Variants in SPTAN1 observed in about 807,000 individuals in gnomAD.
The protein encoded by SPTAN1 is spectrin alpha chain, non-erythrocytic 1.
In SPTAN1, 61 loss-of-function variants were observed where a neutral mutation model predicts 331.3. That is an observed-to-expected ratio of 0.18 (90% CI 0.15 to 0.23). The LOEUF (loss-of-function observed/expected upper bound fraction) is 0.23. SPTAN1 is among the 10% of genes least tolerant of loss of function. SPTAN1 has a pLI of 1.00. For missense variants in SPTAN1, 2,043 were observed against 3,147.9 expected (o/e 0.65, Z 8.40); for synonymous variants, 1,153 against 1,173.9 (o/e 0.98, Z 0.36).
intron 1 of SPTAN1, among the ~76,000 whole-genome samples, chr9:128,562,968 AAAAATATATATATACATGTATGTGT>A (rs1216100965): frequency 5.9e-5 from 7 of 119,130 alleles, no homozygotes; most frequent in Non-Finnish European, 1.2e-4. Context: ...CCGTCTAAAA[AAAAATATATATATACATGTATGTGT>A]ATATATATAT....
At chr9:128,570,320 ATATATATATATTTTTTT>A (rs1421083823) in intron 3 of SPTAN1, among the ~76,000 whole-genome samples, 4 of 33,978 alleles carry the variant, frequency 1.2e-4, no homozygotes, top group Admixed American at 3.9e-4. Flanking sequence ...ATATATATAT[ATATATATATATTTTTTT>A]TTTTTTTTTT....
At chr9:128,570,236 G>A (rs1344850007) in intron 3 of SPTAN1, among the ~76,000 whole-genome samples, 3 of 150,760 alleles carry the variant, frequency 2.0e-5, no homozygotes, top group Admixed American at 6.6e-5. Context: ...TAATTAAGGC[G>A]GAAGGGAGGA....
At chr9:128,593,389 A>C (rs1774713438) in intron 23 of SPTAN1, 1 of 335,252 alleles carries the variant, frequency 3.0e-6, no homozygotes, top group African/African-American at 2.1e-5. Context: ...TGCTTCTCTT[A>C]AAGTGCTCTG....
intron 23 of SPTAN1, chr9:128,593,780 A>G (rs1336022314): frequency 1.2e-5 from 3 of 259,318 alleles, no homozygotes; most frequent in Admixed American, 4.6e-5. Flanking sequence ...AGAGAATTAT[A>G]AAAGACAGAA....
rs893043703 is a variant in SPTAN1, at chr9:128,575,402, T to C, written c.651+57T>C. 3.1e-6 allele frequency: 5 copies of C among 1,587,918 alleles called. No individual in the cohort carries two copies. In the African/African-American group the frequency reaches 6.7e-5, roughly 21 times the overall value. ...ACATTATTATGTTAACTTTTTAGTA[T>C]ATTCAGGATAAAATTTTGATGATTG... On this transcript the variant is annotated intron_variant, in intron 5 of 56. Transcript: ENST00000372739.
At chr9:128,555,426 G>T (rs1390847531) in intron 1 of SPTAN1, 1 of 1,289,036 alleles carries the variant, frequency 7.8e-7, no homozygotes, top group Non-Finnish European at 1.0e-6. Context: ...CAGAAAACGG[G>T]TTGCCTTTTT....
intron 5 of SPTAN1, among the ~76,000 whole-genome samples, chr9:128,575,685 G>C (rs372196146): frequency 6.6e-6 from 1 of 152,116 alleles, no homozygotes; most frequent in East Asian, 1.9e-4. Flanking sequence ...AGTTAGTATT[G>C]GCAGATGTCC....
chr9:128,630,534 CTCTT>C (rs950985525), intron 52 of SPTAN1, 159 bp downstream of exon 52: 13 of 667,596 alleles, frequency 1.9e-5, no homozygotes, highest in East Asian at 2.8e-5. Flanking sequence ...CTATCTCTCT[CTCTT>C]TTCTTTCTTT....
chr9:128,583,292 T>C lies in SPTAN1; in HGVS notation c.2011+11T>C, dbSNP rs760039527. 29 of 1,612,788 alleles carry C rather than the reference T, an allele frequency of 1.8e-5. No individual in the cohort carries two copies. Among genetic ancestry groups the C allele is most frequent in the Non-Finnish European group, 2.5e-5 (29 of 1,179,618 alleles). On this transcript the variant is annotated intron_variant, in intron 15 of 56. Coordinates refer to ENST00000372739, the MANE Select transcript of SPTAN1 (RefSeq NM_001130438.3). Reference sequence around the variant, plus strand: ...CCACTGAACTGAAAGGTAAGAGATGTTCCATTGAATTGTGACATGCATGTT... The same window carrying C: ...CCACTGAACTGAAAGGTAAGAGATGCTCCATTGAATTGTGACATGCATGTT...
In SPTAN1 at chr9:128,566,951, A is replaced by C; in HGVS notation, c.211A>C (p.Asn71His). The C allele has an allele frequency of 6.2e-7, 1 of 1,614,190 alleles. No individual in the cohort carries two copies. The highest frequency in any genetic ancestry group is 8.5e-7 in the Non-Finnish European group (1 of 1,180,030). ...AAAACTTCAGATTGCATCTGATGAG[A>C]ATTATAAAGACCCAACCAACTTGCA... is the stretch of plus-strand genomic sequence containing the variant. ...QEKLQIASDE[N>H]YKDPTNLQGK... is the part of the protein sequence containing the mutation. The change falls in exon 2 of 57, where the codon AAT becomes CAT. Residue 71 changes from asparagine to histidine, a missense_variant. Transcript: ENST00000372739.
chr9:128,605,137 C>T lies in SPTAN1; in HGVS notation c.3823C>T (p.His1275Tyr). The change falls in exon 30 of 57, where the codon CAT (histidine) becomes TAT (tyrosine). Residue 1275 changes from histidine (H) to tyrosine (Y), a missense_variant. Around this residue, in one of 12 missense-constraint regions of SPTAN1, gnomAD observed 42 missense variants for 106.0 expected, o/e 0.40. Transcript: ENST00000372739. Reference protein sequence around the residue: ...LASVQALQRKHEGFERDLAAL... With the variant: ...LASVQALQRKYEGFERDLAAL... ...CAGTGTCCAGGCCCTGCAACGCAAG[C>T]ATGAGGGCTTCGAGAGGGACCTTGC... 2 of 1,613,760 alleles carry T rather than the reference C, an allele frequency of 1.2e-6. No homozygotes were observed. The highest frequency in any genetic ancestry group is 1.7e-6 in the Non-Finnish European group (2 of 1,179,968).
Position 128,627,745 on chromosome 9 carries a change from AGGGCGCGT to A in SPTAN1, c.6690-177_6690-170del. The A allele has an allele frequency of 1.2e-6, 1 of 850,096 alleles. No homozygotes were observed. Among genetic ancestry groups the A allele is most frequent in the East Asian group, 2.4e-5 (1 of 41,496 alleles). 52.7% of individuals were successfully genotyped at this position (850,096 alleles called of 1,614,324 possible). On this transcript the variant is annotated intron_variant, in intron 50 of 56. Coordinates refer to ENST00000372739, the MANE Select transcript of SPTAN1 (RefSeq NM_001130438.3). The surrounding 1 kb of genome is among the most constrained non-coding windows in gnomAD (Gnocchi z 4.9). ...GATCCCGGATTGAGTGGGACCATGC[AGGGCGCGT>A]GGTCAGCCCCAGCCATGACTTGGTG...
rs1163468742 is a variant in SPTAN1 at position 128,608,938 on chromosome 9, A to G, written c.4556A>G (p.Lys1519Arg). The G allele has an allele frequency of 6.2e-7, 1 of 1,614,128 alleles. No homozygotes were observed. Among genetic ancestry groups the G allele is most frequent in the African/African-American group, 1.3e-5 (1 of 74,944 alleles). The change falls in exon 35 of 57, where the codon AAG (lysine) becomes AGG (arginine). Residue 1519 changes from lysine to arginine, a missense_variant. Coordinates refer to ENST00000372739, the MANE Select transcript of SPTAN1 (RefSeq NM_001130438.3). Reference protein sequence around the residue: ...DQLIAAGHYAKGDISSRRNEV... With the variant: ...DQLIAAGHYARGDISSRRNEV... Reference sequence around the variant, plus strand: ...CTCATCGCTGCCGGCCATTATGCCAAGGGAGACATTTCTAGCCGGCGCAAT... The same window carrying G: ...CTCATCGCTGCCGGCCATTATGCCAGGGGAGACATTTCTAGCCGGCGCAAT...
At chr9:128,564,919 G>T (rs1397232485) in intron 1 of SPTAN1, among the ~76,000 whole-genome samples, 2 of 152,198 alleles carry the variant, frequency 1.3e-5, no homozygotes, top group Non-Finnish European at 2.9e-5. Context: ...CGCCACAAGG[G>T]TAGGGGTCAC....
rs756434171 is a variant in SPTAN1 at position 128,632,608 on chromosome 9, T to A, written c.7050T>A (p.His2350Gln). 3.7e-6 allele frequency: 6 copies of A among 1,614,044 alleles called. No homozygotes were observed. Among genetic ancestry groups the A allele is most frequent in the Non-Finnish European group, 4.2e-6 (5 of 1,180,030 alleles). ...AGGACAAGTCTGGCAGGCTGAACCA[T>A]CAGGAGTTCAAATCTTGCCTGCGCT... ...FDKDKSGRLN[H>Q]QEFKSCLRSL... Residue 2350 changes from histidine to glutamine, a missense_variant, in exon 55 of 57, where the codon CAT becomes CAA. Transcript: ENST00000372739.
At chr9:128,592,886 A>G (rs1853716991) in intron 22 of SPTAN1, 97 bp from the exon 23 acceptor site, 3 of 1,133,092 alleles carry the variant, frequency 2.6e-6, no homozygotes, top group South Asian at 2.6e-5. Flanking sequence ...AACATTAAGC[A>G]TCCACCATCA....
rs1848250204 is a variant in SPTAN1 at position 128,552,604 on chromosome 9, A to G, written c.-96A>G. On this transcript the variant is annotated 5_prime_UTR_variant, in exon 1 of 57. Transcript: ENST00000372739. The surrounding 1 kb of genome is among the most constrained non-coding windows in gnomAD (Gnocchi z 4.6). ...GCGTCGCCGCCACTACCCGCTGCGG[A>G]GTGAACGGTGTGGAGCGGAGGCCGC... The G allele has an allele frequency of 6.6e-6, 1 of 150,890 alleles. No homozygotes were observed. The highest frequency in any genetic ancestry group is 1.5e-5 in the Non-Finnish European group (1 of 67,668). 9.3% of individuals were successfully genotyped at this position (150,890 alleles called of 1,614,324 possible).
chr9:128,563,016 A>G (rs1250608715), intron 1 of SPTAN1, among the ~76,000 whole-genome samples: 8 of 141,040 alleles, frequency 5.7e-5, no homozygotes, highest in Non-Finnish European at 1.1e-4. Flanking sequence ...ATATATATAT[A>G]TATATATATA....
chr9:128,569,023 T>G, intron 3 of SPTAN1, 126 bp downstream of exon 3: 1 of 1,355,032 alleles, frequency 7.4e-7, no homozygotes, highest in Non-Finnish European at 1.0e-6. Context: ...ATTTATGAAG[T>G]CTCCTTAAGA....
Sources: allele counts gnomAD v4.1 joint callset (sites outside exome capture counted in the v4.1 genomes callset), GRCh38; gene constraint gnomAD v4.1.1; regional missense constraint gnomAD v4.1.1; non-coding constraint Gnocchi (gnomAD v3.1); transcripts MANE v1.5; gene names NCBI Gene and HGNC (gene_info 2026-07-23, HGNC 2026-07-21).